Variants in CENPP observed in about 807,000 individuals in gnomAD.
The protein encoded by CENPP is centromere protein P.
A neutral mutation model predicts 35.6 loss-of-function variants in CENPP; 24 were observed. The observed-to-expected ratio is 0.67, with a 90% CI of 0.49 to 0.95. The LOEUF (loss-of-function observed/expected upper bound fraction) is 0.95, where lower values mean the gene tolerates loss of function less well. CENPP is among the 40% of genes least tolerant of loss of function. The probability of loss-of-function intolerance (pLI) is 0.00; values close to 1 mark genes in which losing one functional copy is unlikely to be tolerated. For missense variants in CENPP, 332 were observed against 345.3 expected (o/e 0.96, Z 0.31); for synonymous variants, 120 against 125.5 (o/e 0.96, Z 0.29).
At chr9:92,447,056 T>G (rs563290479) in intron 5 of CENPP, among the ~76,000 whole-genome samples, 23 of 152,122 alleles carry the variant, frequency 1.5e-4, no homozygotes, top group Admixed American at 9.2e-4. Flanking sequence ...CTTGCATGAT[T>G]CAGCTTCGAG....
chr9:92,464,959 A>G, intron 5 of CENPP: 3 of 1,614,000 alleles, frequency 1.9e-6, no homozygotes, highest in South Asian at 2.2e-5. Context: ...CAATTCTGAT[A>G]TGGAACACCG....
intron 5 of CENPP, 42 bp from the exon 6 acceptor site, chr9:92,611,272 C>T: frequency 6.5e-7 from 1 of 1,539,144 alleles, no homozygotes; most frequent in Admixed American, 1.7e-5. Context: ...CCCCTTTCTC[C>T]CCACCAGTGG....
At chr9:92,435,186 G>T (rs1049411044) in intron 5 of CENPP, among the ~76,000 whole-genome samples, 2 of 152,104 alleles carry the variant, frequency 1.3e-5, no homozygotes, top group South Asian at 4.2e-4. Context: ...TCAGATGTTT[G>T]TCTTTATCAC....
chr9:92,450,548 A>G (rs1388212564), intron 5 of CENPP, among the ~76,000 whole-genome samples: 1 of 152,152 alleles, frequency 6.6e-6, no homozygotes, highest in East Asian at 1.9e-4. Context: ...TAGTGCCACA[A>G]TAAACATACG....
chr9:92,373,770 G>T (rs1352102953), intron 4 of CENPP, among the ~76,000 whole-genome samples: 1 of 152,168 alleles, frequency 6.6e-6, no homozygotes, highest in Non-Finnish European at 1.5e-5. Flanking sequence ...AGGTTGCAGT[G>T]AGCCGAGATC....
intron 4 of CENPP, among the ~76,000 whole-genome samples, chr9:92,359,356 C>A (rs1281505441): frequency 6.6e-6 from 1 of 152,096 alleles, no homozygotes; most frequent in Non-Finnish European, 1.5e-5. Context: ...TCTCCCTCTT[C>A]CCCAGGGTTT....
At chr9:92,359,463 A>G (rs1007787643) in intron 4 of CENPP, among the ~76,000 whole-genome samples, 1 of 152,024 alleles carries the variant, frequency 6.6e-6, no homozygotes, top group Non-Finnish European at 1.5e-5. Flanking sequence ...GTATAAACTT[A>G]AGGTCTTCTC....
chr9:92,600,179 G>T, intron 5 of CENPP: 1 of 801,250 alleles, frequency 1.2e-6, no homozygotes, highest in Non-Finnish European at 1.8e-6. Context: ...CGAAATCTTT[G>T]GAGTTCTTTT....
intron 5 of CENPP, among the ~76,000 whole-genome samples, chr9:92,485,808 G>T (rs920938140): frequency 1.3e-5 from 2 of 152,220 alleles, no homozygotes; most frequent in Admixed American, 6.5e-5. Flanking sequence ...TGAGATTACA[G>T]GTGGGAACCA....
chr9:92,575,670 G>A (rs892390750), intron 5 of CENPP, among the ~76,000 whole-genome samples: 2 of 152,122 alleles, frequency 1.3e-5, no homozygotes, highest in African/African-American at 4.8e-5. Flanking sequence ...AAATTAGCTG[G>A]GCATGATGGC....
chr9:92,484,060 A>G (rs1311041578), intron 5 of CENPP, among the ~76,000 whole-genome samples: 1 of 152,210 alleles, frequency 6.6e-6, no homozygotes, highest in Non-Finnish European at 1.5e-5. Context: ...TTGTATCCAG[A>G]GCATCTAGTG....
rs1851447744 is a variant in CENPP at position 92,616,694 on chromosome 9, C to T, written c.*3545C>T. On this transcript the variant is annotated 3_prime_UTR_variant, in exon 8 of 8. Transcript: ENST00000375587. ...GTTTTGTGGTTTTAACCTCAGAAGT[C>T]GTGTGCTTATAACAAGATGTGATTA... The T allele has an allele frequency of 1.3e-5, 2 of 152,476 alleles. No homozygotes were observed. The highest frequency in any genetic ancestry group is 6.5e-5 in the Admixed American group (1 of 15,306). The allele number at this position is 152,476 out of a possible 1,614,324, so 9.4% of individuals were successfully genotyped here. A position where few individuals can be genotyped will look rare whatever the true frequency, so the allele number is the denominator to read the frequency against.
At position 92,412,094 on chromosome 9, in the gene CENPP, T is replaced by A. The variant is rs146950491; in HGVS notation, c.564+32235T>A. ...TAATGAATTAATTAATTAATTAATTTATTTATTTTTAGAGACGGGGTCTCA... is the reference window on the plus strand; with the variant it reads ...TAATGAATTAATTAATTAATTAATTAATTTATTTTTAGAGACGGGGTCTCA... On this transcript the variant is annotated intron_variant, in intron 5 of 7. Coordinates refer to ENST00000375587, the MANE Select transcript of CENPP (RefSeq NM_001012267.3). 1.7e-3 allele frequency among the ~76,000 whole-genome samples: 255 copies of A among 152,154 alleles called. 1 individual carries two copies. Among genetic ancestry groups the A allele is most frequent in the South Asian group, 0.014 (68 of 4,818 alleles).
At chr9:92,486,885 A>G (rs144826442) in intron 5 of CENPP, among the ~76,000 whole-genome samples, 4,716 of 151,530 alleles carry the variant, frequency 0.031, 114 homozygotes, top group South Asian at 0.083. Context: ...GGGTTTAAGC[A>G]ATTCTCCTGC....
intron 5 of CENPP, among the ~76,000 whole-genome samples, chr9:92,387,053 GAAAAAAAAAA>G (rs903436031): frequency 8.0e-5 from 4 of 50,168 alleles, no homozygotes; most frequent in East Asian, 6.4e-4. Flanking sequence ...GTCTCAAAAA[GAAAAAAAAAA>G]AAAAAAAAAA....
At chr9:92,396,031 T>C (rs1389921673) in intron 5 of CENPP, among the ~76,000 whole-genome samples, 1 of 152,158 alleles carries the variant, frequency 6.6e-6, no homozygotes, top group Admixed American at 6.5e-5. Flanking sequence ...TGGGCTAATT[T>C]TTATATATGG....
chr9:92,380,944 T>C (rs1588074803), intron 5 of CENPP, among the ~76,000 whole-genome samples: 1 of 152,200 alleles, frequency 6.6e-6, no homozygotes, highest in East Asian at 1.9e-4. Flanking sequence ...ATTTTTCTTA[T>C]GGAGGGTAAA....
chr9:92,602,132 C>T (rs1301239921), intron 5 of CENPP, among the ~76,000 whole-genome samples: 2 of 152,176 alleles, frequency 1.3e-5, no homozygotes, highest in Non-Finnish European at 2.9e-5. Context: ...GAGCAGTTTA[C>T]AGGAGCTCAT....
chr9:92,586,349 G>A (rs576191504), intron 5 of CENPP, among the ~76,000 whole-genome samples: 4 of 151,956 alleles, frequency 2.6e-5, no homozygotes, highest in Non-Finnish European at 5.9e-5. Context: ...CCAGCCTGTA[G>A]AAAGATTTAA....
Sources: allele counts gnomAD v4.1 joint callset (sites outside exome capture counted in the v4.1 genomes callset), GRCh38; gene constraint gnomAD v4.1.1; transcripts MANE v1.5; gene names NCBI Gene and HGNC (gene_info 2026-07-23, HGNC 2026-07-21).